Variants in PDE4C observed in about 807,000 individuals in gnomAD.
PDE4C encodes the protein 3',5'-cyclic-AMP phosphodiesterase 4C.
In PDE4C, 50 loss-of-function variants were observed where a neutral mutation model predicts 63.9. The observed-to-expected ratio is 0.78, with a 90% CI of 0.62 to 0.99. The LOEUF is 0.99. PDE4C is among the 50% of genes least tolerant of loss of function. The probability of loss-of-function intolerance (pLI) is 0.00; values close to 1 mark genes in which losing one functional copy is unlikely to be tolerated. For missense variants in PDE4C, 777 were observed against 899.1 expected (o/e 0.86, Z 1.74); for synonymous variants, 377 against 385.1 (o/e 0.98, Z 0.25).
At chr19:18,243,796 G>T (rs1041987080) in intron 1 of PDE4C, among the ~76,000 whole-genome samples, 1 of 152,082 alleles carries the variant, frequency 6.6e-6, no homozygotes, top group African/African-American at 2.4e-5. Context: ...CTAGGGATGG[G>T]GTATAGTGGG....
At chr19:18,214,930 C>A (rs922760799) in intron 12 of PDE4C, among the ~76,000 whole-genome samples, 1 of 127,928 alleles carries the variant, frequency 7.8e-6, no homozygotes, top group Admixed American at 9.4e-5. Flanking sequence ...GCCTGAGTGA[C>A]AGAGCAAGAC....
At chr19:18,212,703 T>C (rs1198742789) in intron 13 of PDE4C, among the ~76,000 whole-genome samples, 5 of 150,908 alleles carry the variant, frequency 3.3e-5, no homozygotes, top group Non-Finnish European at 5.9e-5. Flanking sequence ...TGGCTTGTTT[T>C]TTTGAGATGG....
In PDE4C at chr19:18,224,198, G is replaced by A. The variant is rs560092723; in HGVS notation, c.147-1875C>T. 22 of 985,348 alleles carry A rather than the reference G, an allele frequency of 2.2e-5. No individual in the cohort carries two copies. The East Asian group carries it at 1.1e-3, about 51-fold the overall frequency. The allele number at this position is 985,348 out of a possible 1,614,324, so 61.0% of individuals were successfully genotyped here. Reference sequence around the variant, plus strand: ...TGGGGTCAGAGGTCAGAGAAAGGGCGTAGGGCAAGAACTGGGGCGCTAGAG... The same window carrying A: ...TGGGGTCAGAGGTCAGAGAAAGGGCATAGGGCAAGAACTGGGGCGCTAGAG... On this transcript the variant is annotated intron_variant, in intron 1 of 14. Coordinates refer to ENST00000262805, the Ensembl canonical transcript of PDE4C.
chr19:18,244,217 G>T (rs1346398280), intron 1 of PDE4C, among the ~76,000 whole-genome samples: 1 of 151,948 alleles, frequency 6.6e-6, no homozygotes, highest in East Asian at 1.9e-4. Flanking sequence ...GCTGGGATGG[G>T]GATGGAGGGC....
At chr19:18,241,724 AT>A (rs544367419) in intron 1 of PDE4C, among the ~76,000 whole-genome samples, 67 of 151,342 alleles carry the variant, frequency 4.4e-4, no homozygotes, top group African/African-American at 1.6e-3. Context: ...TAATTTTTGT[AT>A]TTTTTGTAGA....
At chr19:18,218,851 G>GA in intron 9 of PDE4C, 89 bp downstream of exon 9, 4 of 970,884 alleles carry the variant, frequency 4.1e-6, no homozygotes, top group Non-Finnish European at 6.7e-6. Flanking sequence ...GGGAGGATTT[G>GA]AAAAATGAGT....
intron 9 of PDE4C, among the ~76,000 whole-genome samples, chr19:18,218,705 T>A (rs996460414): frequency 1.3e-5 from 2 of 152,228 alleles, no homozygotes; most frequent in Non-Finnish European, 2.9e-5. Flanking sequence ...GTCCAGCTCT[T>A]CTCTCCAGAT....
rs760528271 is a variant in PDE4C, at chr19:18,233,094, C to T, written c.98G>A (p.Trp33Ter). The T allele has an allele frequency of 6.4e-7, 1 of 1,570,936 alleles. No homozygotes were observed. Among genetic ancestry groups the T allele is most frequent in the East Asian group, 2.4e-5 (1 of 42,548 alleles). ...GCGGATGGGGCGCCGGGGTTGCCGC[C>T]ACAGGTGCTTCGGGGCTCTGGTCAT... The change falls in exon 1 of 15, where the codon TGG (tryptophan) becomes TAG (stop). Residue 33 changes from tryptophan (W) to a stop codon, truncating the protein, a stop_gained. Coordinates refer to the PDE4C transcript ENST00000594465. LOFTEE classifies it high-confidence loss of function.
chr19:18,251,607 G>C (rs1283717689), upstream of PDE4C, among the ~76,000 whole-genome samples: 1 of 150,002 alleles, frequency 6.7e-6, no homozygotes, highest in Non-Finnish European at 1.5e-5. Flanking sequence ...GCTAATTTTT[G>C]TAGTTTTAAT....
intron 1 of PDE4C, chr19:18,224,381 G>A (rs561570152): frequency 8.4e-5 from 83 of 985,534 alleles, no homozygotes; most frequent in Non-Finnish European, 9.3e-5. Flanking sequence ...CCGTATCCCC[G>A]TCCACGAGCT....
chr19:18,236,783 C>A (rs932414641), upstream of PDE4C: 1 of 152,378 alleles, frequency 6.6e-6, no homozygotes, highest in Non-Finnish European at 1.5e-5. Context: ...TGGATAAGGT[C>A]AAGAAGGGTT....
chr19:18,228,783 C>T (rs1342068657), upstream of PDE4C, among the ~76,000 whole-genome samples: 1 of 152,166 alleles, frequency 6.6e-6, no homozygotes, highest in Admixed American at 6.5e-5. Context: ...CCCTGGGAGG[C>T]TCTCCAAGCC....
At chr19:18,221,472 C>T (rs1168151404) in intron 2 of PDE4C, among the ~76,000 whole-genome samples, 175 bp from the exon 3 acceptor site, 2 of 152,154 alleles carry the variant, frequency 1.3e-5, no homozygotes, top group Non-Finnish European at 2.9e-5. Context: ...CCCCTCCAAC[C>T]ATTCACTCAC....
chr19:18,226,160 C>G (rs2148042864), intron 1 of PDE4C, 110 bp downstream of exon 1: 1 of 847,066 alleles, frequency 1.2e-6, no homozygotes, highest in East Asian at 3.0e-5. Flanking sequence ...CGTCCAAGCC[C>G]GGACTCCGGC....
At chr19:18,221,207 A>T (rs752789117) in intron 3 of PDE4C, 29 bp from the exon 4 acceptor site, 3 of 1,564,790 alleles carry the variant, frequency 1.9e-6, no homozygotes, top group Non-Finnish European at 2.6e-6. Context: ...AGGCGGTGGG[A>T]AGGAGAGGCC....
chr19:18,208,474 ACCC>A (rs1555820625), downstream of PDE4C: 1 of 35,216 alleles, frequency 2.8e-5, no homozygotes, highest in Non-Finnish European at 6.0e-5. Flanking sequence ...CCTCCGACCC[ACCC>A]CCCAACCCCC....
chr19:18,233,026 A>G, exon 1 of PDE4C: 1 of 1,543,532 alleles, frequency 6.5e-7, no homozygotes, highest in Non-Finnish European at 8.8e-7. Flanking sequence ...CTCTCGCGGC[A>G]GCCCGCGGAC....
intron 1 of PDE4C, among the ~76,000 whole-genome samples, chr19:18,224,757 C>A (rs748583962): frequency 7.1e-4 from 108 of 152,370 alleles, no homozygotes; most frequent in South Asian, 1.2e-3. Context: ...TTTAGCAGCA[C>A]CGGGATGAAC....
upstream of PDE4C, chr19:18,250,141 G>A (rs574298634): frequency 2.1e-4 from 85 of 398,712 alleles, no homozygotes; most frequent in South Asian, 0.01. Context: ...CACTCCTGGA[G>A]GTGGTGGGCA....
Sources: gnomAD v4.1 joint callset for allele counts (sites outside exome capture counted in the v4.1 genomes callset) on GRCh38, gnomAD v4.1.1 for gene constraint, MANE v1.5 for transcripts, NCBI Gene and HGNC (gene_info 2026-07-23, HGNC 2026-07-21) for gene names.